ANGEL2: variants seen among roughly 807,000 people sequenced by gnomAD.
ANGEL2 encodes angel homolog 2.
Under a neutral mutation model 66.0 loss-of-function variants are expected in ANGEL2, and 41 were observed. That is an observed-to-expected ratio of 0.62 (90% CI 0.48 to 0.81). The LOEUF (loss-of-function observed/expected upper bound fraction) is 0.81, where lower values mean the gene tolerates loss of function less well. Ranked by LOEUF, ANGEL2 falls within the 30% of genes least tolerant of loss-of-function variation. The pLI, the probability that ANGEL2 is intolerant of heterozygous loss-of-function variation, is 0.00. For missense variants in ANGEL2, 561 were observed against 641.6 expected, an observed-to-expected ratio of 0.87 and a Z score of 1.36; for synonymous variants, 208 against 226.5, an observed-to-expected ratio of 0.92 and a Z score of 0.73.
Position 213,015,711 on chromosome 1 carries a change from T to C in ANGEL2, c.-40A>G, listed in dbSNP as rs2076628107. Reference sequence around the variant, plus strand: ...TGCGTCCAGTTCCCAGGCCCCGGGTTCCACCTCAATCTCTATAATCGATGC... The same window carrying C: ...TGCGTCCAGTTCCCAGGCCCCGGGTCCCACCTCAATCTCTATAATCGATGC... On this transcript the variant is annotated 5_prime_UTR_variant, in exon 1 of 9. Coordinates refer to ENST00000366962, the MANE Select transcript of ANGEL2 (RefSeq NM_144567.5). The C allele has an allele frequency of 6.2e-7, 1 of 1,613,846 alleles. No individual in the cohort carries two copies. The highest frequency in any genetic ancestry group is 1.7e-5 in the Admixed American group (1 of 60,012).
chr1:213,015,061 T>C, intron 1 of ANGEL2: 4 of 951,972 alleles, frequency 4.2e-6, no homozygotes, highest in Non-Finnish European at 5.0e-6. Context: ...TAAAGAAAAA[T>C]ATCCAGTAAA....
At chr1:213,013,467 T>C in intron 1 of ANGEL2, 49 bp from the exon 2 acceptor site, 3 of 1,497,046 alleles carry the variant, frequency 2.0e-6, no homozygotes, top group Non-Finnish European at 9.1e-7. Flanking sequence ...TGTTCAGCTA[T>C]AGTTTACAAA....
chr1:213,004,033 A>C (rs892544403), intron 5 of ANGEL2, among the ~76,000 whole-genome samples: 3 of 151,966 alleles, frequency 2.0e-5, no homozygotes, highest in Admixed American at 2.0e-4. Flanking sequence ...GTGAAACCCC[A>C]TCTCTACTAA....
chr1:213,015,445 C>T (rs1572166640), intron 1 of ANGEL2, 168 bp downstream of exon 1: 2 of 1,432,742 alleles, frequency 1.4e-6, no homozygotes, highest in East Asian at 2.6e-5. Flanking sequence ...TTACCTATCC[C>T]GCTTGGTCTC....
chr1:213,004,922 A>G, intron 5 of ANGEL2, 111 bp downstream of exon 5: 1 of 436,496 alleles, frequency 2.3e-6, no homozygotes, highest in Non-Finnish European at 3.9e-6. Flanking sequence ...TGATAAAGTG[A>G]GGGTACTGGA....
rs574808951 is a variant in ANGEL2, at chr1:213,015,779, C to A, written c.-108G>T. ...AGGGAACCCCATCACTCTTAAGTAC[C>A]GACTCCAGTCCTGGCTGCAAGGCAT... On this transcript the variant is annotated 5_prime_UTR_variant, in exon 1 of 9. Coordinates refer to ENST00000366962, the MANE Select transcript of ANGEL2 (RefSeq NM_144567.5). 1.2e-5 allele frequency: 18 copies of A among 1,460,074 alleles called. No homozygotes were observed. In the South Asian group the frequency reaches 2.0e-4, roughly 16 times the overall value. 90.4% of individuals were successfully genotyped at this position (1,460,074 alleles called of 1,614,324 possible). A position where few individuals can be genotyped will look rare whatever the true frequency, so the allele number is the denominator to read the frequency against.
At chr1:213,009,104 G>C (rs1417751743) in intron 2 of ANGEL2, among the ~76,000 whole-genome samples, 1 of 152,240 alleles carries the variant, frequency 6.6e-6, no homozygotes, top group Non-Finnish European at 1.5e-5. Flanking sequence ...CATAGCTACA[G>C]AATGCTAGTA....
intron 4 of ANGEL2, chr1:213,006,506 T>C (rs1183992049): frequency 1.3e-5 from 2 of 150,414 alleles, no homozygotes; most frequent in Non-Finnish European, 3.0e-5. Context: ...GAATGCAAAG[T>C]AAGCACACTT....
In ANGEL2 at chr1:213,005,515, C is replaced by T; in HGVS notation, c.713-61G>A. The stretch of plus-strand genomic sequence containing the variant: ...CTTTTATATATTTATCAAAACACAG[C>T]TCACCTGATACTTCTGAACAATGTT... On this transcript the variant is annotated intron_variant, in intron 4 of 8. Coordinates refer to ENST00000366962, the MANE Select transcript of ANGEL2 (RefSeq NM_144567.5). 12 of 1,435,622 alleles carry T rather than the reference C, an allele frequency of 8.4e-6. No individual in the cohort carries two copies. The South Asian group carries it at 1.4e-4, about 16-fold the overall frequency. The allele number at this position is 1,435,622 out of a possible 1,614,324, so 88.9% of individuals were successfully genotyped here. A position where few individuals can be genotyped will look rare whatever the true frequency, so the allele number is the denominator to read the frequency against.
chr1:212,993,694 C>T lies in ANGEL2; in HGVS notation c.*1347G>A, dbSNP rs1208532289. On this transcript the variant is annotated 3_prime_UTR_variant, in exon 9 of 9. Transcript: ENST00000366962. The stretch of plus-strand genomic sequence containing the variant: ...TTATTAAACCTGCTCATAACCACTT[C>T]ATAGAAAGTGTCAGCACCATCTCAT... The T allele has an allele frequency of 1.3e-5, 2 of 152,188 alleles. No individual in the cohort carries two copies. 9.4% of individuals were successfully genotyped at this position (152,188 alleles called of 1,614,324 possible). A position where few individuals can be genotyped will look rare whatever the true frequency, so the allele number is the denominator to read the frequency against.
rs527271202 is a variant in ANGEL2, at chr1:213,014,432, C to T, written c.60-1014G>A. Among the ~76,000 whole-genome samples, 15 of 152,206 alleles carry T rather than the reference C, an allele frequency of 9.9e-5. 1 individual carries two copies. In the South Asian group the frequency reaches 2.9e-3, roughly 29 times the overall value. On this transcript the variant is annotated intron_variant, in intron 1 of 8. Coordinates refer to ENST00000366962, the MANE Select transcript of ANGEL2 (RefSeq NM_144567.5). Reference sequence around the variant, plus strand: ...TTATAATTTTTACAGTTTAAGTATTCGCTAGTTGTTCTCTAAAATCTACTT... The same window carrying T: ...TTATAATTTTTACAGTTTAAGTATTTGCTAGTTGTTCTCTAAAATCTACTT...
At chr1:213,001,176 A>C (rs982261440) in intron 5 of ANGEL2, 7 of 379,292 alleles carry the variant, frequency 1.8e-5, no homozygotes. Flanking sequence ...TATCGCTTTG[A>C]ACTAACACTA....
At chr1:212,998,520 C>CT (rs549600424) in intron 7 of ANGEL2, among the ~76,000 whole-genome samples, 1,840 of 135,052 alleles carry the variant, frequency 0.014, 56 homozygotes, top group East Asian at 0.052. Context: ...AAAAAAGTAT[C>CT]TTTTTTTTTT....
intron 1 of ANGEL2, chr1:213,015,375 A>G: frequency 7.1e-7 from 1 of 1,412,776 alleles, no homozygotes; most frequent in Non-Finnish European, 9.2e-7. Flanking sequence ...GCGGCCCATG[A>G]ACTCCGCGCC....
intron 7 of ANGEL2, 113 bp downstream of exon 7, chr1:213,000,213 T>TC: frequency 1.0e-6 from 1 of 982,004 alleles, no homozygotes; most frequent in Non-Finnish European, 1.6e-6. Flanking sequence ...CCAGCACCCT[T>TC]CACCAGCACG....
chr1:213,004,143 A>G (rs2076253630), intron 5 of ANGEL2, among the ~76,000 whole-genome samples: 1 of 151,830 alleles, frequency 6.6e-6, no homozygotes. Context: ...CAGAGGATGC[A>G]GTGAGCCGAG....
intron 7 of ANGEL2, among the ~76,000 whole-genome samples, chr1:212,998,159 G>C (rs913544949): frequency 2.4e-4 from 36 of 152,128 alleles, no homozygotes; most frequent in Non-Finnish European, 3.1e-4. Context: ...GGGAAGCCAA[G>C]GCGGGAAGAT....
Position 213,013,319 on chromosome 1 carries a change from A to G in ANGEL2, c.159T>C (p.Ser53=), listed in dbSNP as rs897270243. The G allele has an allele frequency of 3.7e-6, 6 of 1,614,190 alleles. No homozygotes were observed. Among genetic ancestry groups the G allele is most frequent in the Non-Finnish European group, 5.1e-6 (6 of 1,180,020 alleles). The change falls in exon 2 of 9, where the codon AGT becomes AGC. Residue 53 remains serine (S), a synonymous_variant. Coordinates refer to ENST00000366962, the MANE Select transcript of ANGEL2 (RefSeq NM_144567.5). ...QRCCWNRHIS[S]CMRWPGHYSR... is the part of the protein sequence containing the mutation. ...AGTAATGTCCAGGCCACCTCATACA[A>G]CTAGAAATATGTCTGTTCCAGCAAC... is the stretch of plus-strand genomic sequence containing the variant.
rs1318156997 is a variant in ANGEL2 at position 213,005,062 on chromosome 1, A to G, written c.1105T>C (p.Leu369=). The change falls in exon 5 of 9, where the codon TTG becomes CTG. Residue 369 remains leucine (L), a synonymous_variant. Transcript: ENST00000366962. ...CCTATGGGAAGTCCTTCATAATTCA[A>G]TTTTCCTTCCTTTATGAAACTATAT... The part of the protein sequence containing the change: ...PLYSFIKEGK[L]NYEGLPIGKV... 3 of 1,578,568 alleles carry G rather than the reference A, an allele frequency of 1.9e-6. No individual in the cohort carries two copies. The highest frequency in any genetic ancestry group is 1.9e-5 in the Admixed American group (1 of 53,302).
Sources: allele counts gnomAD v4.1 joint callset (sites outside exome capture counted in the v4.1 genomes callset), GRCh38; gene constraint gnomAD v4.1.1; transcripts MANE v1.5; gene names NCBI Gene and HGNC (gene_info 2026-07-23, HGNC 2026-07-21).